Variants in SOS1 observed in about 807,000 individuals in gnomAD.
SOS1 encodes son of sevenless homolog 1.
A neutral mutation model predicts 157.6 loss-of-function variants in SOS1; 25 were observed. The ratio of observed to expected loss-of-function variants is 0.16; its 90% CI spans 0.12 to 0.22. The LOEUF (loss-of-function observed/expected upper bound fraction) is 0.22. Among genes scored for constraint, SOS1 ranks in the 10% least tolerant of loss-of-function variants. The pLI is 1.00. For missense variants in SOS1, 1,237 were observed against 1,599.1 expected, an observed-to-expected ratio of 0.77 and a Z score of 3.86; for synonymous variants, 528 against 534.0, an observed-to-expected ratio of 0.99 and a Z score of 0.16.
At chr2:39,057,741 T>C (rs10205802) in intron 3 of SOS1, among the ~76,000 whole-genome samples, 120,649 of 151,978 alleles carry the variant, frequency 0.79, 49,746 homozygotes, top group Non-Finnish European at 0.91. Context: ...ATTCAACATA[T>C]GGCCAATGAA....
At chr2:39,091,946 G>C (rs1414412839) in intron 1 of SOS1, among the ~76,000 whole-genome samples, 1 of 152,144 alleles carries the variant, frequency 6.6e-6, no homozygotes, top group Non-Finnish European at 1.5e-5. Flanking sequence ...TACACTACTA[G>C]TTCATACTGC....
At chr2:38,989,565 C>G (rs1377567837) in intron 20 of SOS1, among the ~76,000 whole-genome samples, 1 of 151,512 alleles carries the variant, frequency 6.6e-6, no homozygotes, top group African/African-American at 2.4e-5. Flanking sequence ...ATAAAAAAAT[C>G]GTATATTACT....
intron 1 of SOS1, among the ~76,000 whole-genome samples, chr2:39,086,367 A>G (rs1672370234): frequency 6.6e-6 from 1 of 152,200 alleles, no homozygotes; most frequent in African/African-American, 2.4e-5. Context: ...ATATACTAGG[A>G]TAAGGAATAC....
chr2:39,046,971 C>T (rs1670809592), intron 6 of SOS1, among the ~76,000 whole-genome samples: 1 of 152,112 alleles, frequency 6.6e-6, no homozygotes, highest in South Asian at 2.1e-4. Context: ...CTCACTTCTT[C>T]CTCATTTTTG....
At chr2:39,008,618 G>C (rs1669358470) in intron 15 of SOS1, among the ~76,000 whole-genome samples, 1 of 152,186 alleles carries the variant, frequency 6.6e-6, no homozygotes, top group African/African-American at 2.4e-5. Flanking sequence ...CCTGGGGTCA[G>C]AACAAGTATC....
intron 1 of SOS1, among the ~76,000 whole-genome samples, chr2:39,095,822 A>T (rs1672749194): frequency 6.6e-6 from 1 of 152,242 alleles, no homozygotes; most frequent in East Asian, 1.9e-4. Context: ...AATGGTTGAG[A>T]TAGACTGTTG....
At chr2:39,101,181 G>A (rs905407154) in intron 1 of SOS1, among the ~76,000 whole-genome samples, 4 of 152,108 alleles carry the variant, frequency 2.6e-5, no homozygotes, top group African/African-American at 9.7e-5. Context: ...GCAAGAGAGA[G>A]GGGAAGTGTG....
chr2:39,052,335 C>A (rs974765170), intron 5 of SOS1, among the ~76,000 whole-genome samples: 1 of 152,048 alleles, frequency 6.6e-6, no homozygotes, highest in Admixed American at 6.6e-5. Flanking sequence ...AGTTTATATA[C>A]GAAACTCCTA....
chr2:39,096,365 C>T (rs1210757553), intron 1 of SOS1, among the ~76,000 whole-genome samples: 1 of 152,176 alleles, frequency 6.6e-6, no homozygotes, highest in African/African-American at 2.4e-5. Flanking sequence ...CTCACTAGCA[C>T]ATACTCTTCA....
chr2:39,097,016 G>T (rs1029749684), intron 1 of SOS1, among the ~76,000 whole-genome samples: 2 of 152,128 alleles, frequency 1.3e-5, no homozygotes, highest in Non-Finnish European at 2.9e-5. Context: ...TGGATTAAGA[G>T]ATTTAACCAA....
chr2:39,097,704 C>T (rs1158934286), intron 1 of SOS1, among the ~76,000 whole-genome samples: 1 of 152,118 alleles, frequency 6.6e-6, no homozygotes, highest in Non-Finnish European at 1.5e-5. Context: ...GCTGGGATTA[C>T]AGGCATGCAC....
At chr2:39,059,109 T>C (rs537163290) in intron 2 of SOS1, among the ~76,000 whole-genome samples, 2 of 152,254 alleles carry the variant, frequency 1.3e-5, no homozygotes, top group East Asian at 1.9e-4. Context: ...AGTACTTGTA[T>C]AAAATTTCAA....
At chr2:39,036,518 A>G (rs1670354279) in intron 6 of SOS1, among the ~76,000 whole-genome samples, 1 of 151,966 alleles carries the variant, frequency 6.6e-6, no homozygotes, top group African/African-American at 2.4e-5. Flanking sequence ...GCCTGGTTAC[A>G]TTTTTTGTGT....
intron 17 of SOS1, among the ~76,000 whole-genome samples, chr2:39,000,952 A>G (rs974052301): frequency 7.2e-5 from 11 of 152,242 alleles, no homozygotes; most frequent in Admixed American, 6.5e-5. Context: ...CACATAACAG[A>G]AGGAGGACAC....
chr2:38,986,089 T>C lies in SOS1; in HGVS notation c.3737A>G (p.Asn1246Ser), dbSNP rs374110460. Residue 1246 changes from asparagine (N) to serine (S), a missense_variant, in exon 23 of 23, where the codon AAT becomes AGT. Physicochemically the swap from Asn to Ser is conservative, Grantham distance 46. Around this residue, in one of 15 missense-constraint regions of SOS1, gnomAD observed 306 missense variants for 322.6 expected, o/e 0.95. Transcript: ENST00000402219. ...PPLGKKSDHG[N>S]AFFPNSPSPF... ...GGAAGGGCTGTTTGGGAAGAAGGCA[T>C]TGCCATGGTCACTTTTTTTGCCCAA... 30 of 1,613,734 alleles carry C rather than the reference T, an allele frequency of 1.9e-5. No individual in the cohort carries two copies. Among genetic ancestry groups the C allele is most frequent in the African/African-American group, 8.0e-5 (6 of 74,856 alleles).
At chr2:39,070,533 C>T (rs1172808282) in intron 1 of SOS1, among the ~76,000 whole-genome samples, 1 of 152,180 alleles carries the variant, frequency 6.6e-6, no homozygotes, top group African/African-American at 2.4e-5. Context: ...TAACAGTCAC[C>T]TGCATGGATA....
At chr2:39,015,109 C>T (rs1389779000) in intron 10 of SOS1, among the ~76,000 whole-genome samples, 1 of 152,004 alleles carries the variant, frequency 6.6e-6, no homozygotes, top group African/African-American at 2.4e-5. Context: ...CAGGAATGAG[C>T]AAGAAAGAAA....
intron 6 of SOS1, among the ~76,000 whole-genome samples, chr2:39,045,243 G>GGAGAGGGAGAGGGA (rs1431547167): frequency 1.2e-5 from 1 of 83,316 alleles, no homozygotes; most frequent in Non-Finnish European, 2.4e-5. Flanking sequence ...AGAGAGAGAG[G>GGAGAGGGAGAGGGA]GAGAGAGAGA....
At chr2:39,019,116 T>C (rs1669716295) in intron 10 of SOS1, among the ~76,000 whole-genome samples, 2 of 151,814 alleles carry the variant, frequency 1.3e-5, no homozygotes, top group African/African-American at 2.4e-5. Context: ...AACGATCTTC[T>C]GGCTTAAGTT....
Sources: gnomAD v4.1 joint callset for allele counts (sites outside exome capture counted in the v4.1 genomes callset) on GRCh38, gnomAD v4.1.1 for gene constraint, gnomAD v4.1.1 regional missense constraint, MANE v1.5 for transcripts, NCBI Gene and HGNC (gene_info 2026-07-23, HGNC 2026-07-21) for gene names.